The following SMIM35 variants were observed in gnomAD, a reference collection of about 807,000 sequenced individuals.
The protein encoded by SMIM35 is TMPRSS4 antisense RNA 1 (non-protein coding).
chr11:118,060,536 C>A (rs1474438844), intron 1 of SMIM35, among the ~76,000 whole-genome samples: 1 of 152,192 alleles, frequency 6.6e-6, no homozygotes, highest in East Asian at 1.9e-4. Context: ...CCCTGGGAAG[C>A]CTTAGTGGTG....
intron 1 of SMIM35, among the ~76,000 whole-genome samples, chr11:118,025,143 C>T (rs533359186): frequency 6.6e-6 from 1 of 152,266 alleles, no homozygotes; most frequent in East Asian, 1.9e-4. Flanking sequence ...TGTATATGTA[C>T]CACATTTTCT....
At chr11:118,045,332 A>G (rs1014716734) in intron 1 of SMIM35, among the ~76,000 whole-genome samples, 6 of 107,142 alleles carry the variant, frequency 5.6e-5, no homozygotes, top group African/African-American at 2.7e-4. Context: ...ACACACATGC[A>G]CACACACACA....
At chr11:118,057,837 G>A (rs1944338683) in intron 1 of SMIM35, among the ~76,000 whole-genome samples, 1 of 152,220 alleles carries the variant, frequency 6.6e-6, no homozygotes, top group African/African-American at 2.4e-5. Flanking sequence ...GCACGAGGGT[G>A]GAAAGGCTGG....
intron 4 of SMIM35, among the ~76,000 whole-genome samples, chr11:118,009,605 C>A (rs569219964): frequency 6.6e-6 from 1 of 152,186 alleles, no homozygotes; most frequent in South Asian, 2.1e-4. Context: ...CATCACCTTT[C>A]AACTGCCATC....
At chr11:118,073,318 G>A (rs745997935) in intron 1 of SMIM35, among the ~76,000 whole-genome samples, 4 of 152,186 alleles carry the variant, frequency 2.6e-5, no homozygotes, top group Admixed American at 6.5e-5. Context: ...AGAAGATGGC[G>A]TGCAAGAGGA....
At chr11:118,043,255 G>C (rs1290764238) in intron 1 of SMIM35, among the ~76,000 whole-genome samples, 2 of 148,736 alleles carry the variant, frequency 1.3e-5, no homozygotes, top group Non-Finnish European at 3.0e-5. Flanking sequence ...CCTCCTCCTT[G>C]AAGTCTGGGT....
intron 1 of SMIM35, among the ~76,000 whole-genome samples, chr11:118,072,086 C>A (rs949150757): frequency 4.6e-5 from 7 of 152,160 alleles, no homozygotes; most frequent in Non-Finnish European, 1.0e-4. Context: ...TGTCTGATAT[C>A]ATCATAGAAA....
chr11:118,079,947 C>T (rs916155815), intron 1 of SMIM35, among the ~76,000 whole-genome samples: 15 of 152,170 alleles, frequency 9.9e-5, no homozygotes, highest in African/African-American at 3.6e-4. Flanking sequence ...GCTTGCTTTG[C>T]CTGCTCTCCT....
chr11:118,070,914 G>T (rs1489066865), intron 1 of SMIM35, among the ~76,000 whole-genome samples: 1 of 152,154 alleles, frequency 6.6e-6, no homozygotes, highest in South Asian at 2.1e-4. Context: ...AGGGCAAAAG[G>T]CCTAGGCATC....
Position 118,013,754 on chromosome 11 carries a change from A to G in SMIM35, c.*27T>C, listed in dbSNP as rs2058161923. The G allele has an allele frequency of 5.0e-6, 2 of 399,116 alleles. No individual in the cohort carries two copies. Among genetic ancestry groups the G allele is most frequent in the Non-Finnish European group, 8.8e-6 (2 of 226,142 alleles). 24.7% of individuals were successfully genotyped at this position (399,116 alleles called of 1,614,324 possible). ...TCTCCCAACTCCAACTCACCTCCCC[A>G]GGGCTTCACAAGTTGCTGTCTCTGC... is the stretch of plus-strand genomic sequence containing the variant. On this transcript the variant is annotated 3_prime_UTR_variant, in exon 4 of 5. Transcript: ENST00000689828.
At chr11:118,068,282 G>A (rs1944515228) in intron 1 of SMIM35, among the ~76,000 whole-genome samples, 1 of 152,008 alleles carries the variant, frequency 6.6e-6, no homozygotes, top group Non-Finnish European at 1.5e-5. Flanking sequence ...ACCTGACAAA[G>A]TCCTGCTCCT....
intron 1 of SMIM35, among the ~76,000 whole-genome samples, chr11:118,034,578 G>A (rs1272564503): frequency 6.6e-6 from 1 of 152,290 alleles, no homozygotes; most frequent in South Asian, 2.1e-4. Flanking sequence ...ACAAAAATTA[G>A]CTGGGCGTGG....
chr11:118,025,885 G>T, intron 1 of SMIM35: 1 of 389,538 alleles, frequency 2.6e-6, no homozygotes, highest in Non-Finnish European at 4.8e-6. Context: ...TGTCCAGAAT[G>T]GTATTTTCTA....
chr11:118,077,268 G>A, intron 1 of SMIM35: 1 of 1,596,802 alleles, frequency 6.3e-7, no homozygotes, highest in Non-Finnish European at 8.5e-7. Context: ...CTCAGCTCCA[G>A]GCTACAGGGA....
At chr11:118,055,443 G>A (rs12272258) in intron 1 of SMIM35, among the ~76,000 whole-genome samples, 49,264 of 152,002 alleles carry the variant, frequency 0.32, 8,011 homozygotes, top group East Asian at 0.38. Flanking sequence ...CACCACCCCG[G>A]CCCTGCCACC....
intron 1 of SMIM35, among the ~76,000 whole-genome samples, chr11:118,076,095 C>T (rs1014146839): frequency 1.4e-4 from 22 of 152,146 alleles, no homozygotes; most frequent in Admixed American, 6.6e-5. Flanking sequence ...TGGCAAAACC[C>T]CATCTCTACT....
intron 1 of SMIM35, among the ~76,000 whole-genome samples, chr11:118,077,738 G>A (rs894651916): frequency 1.3e-5 from 2 of 151,768 alleles, no homozygotes; most frequent in African/African-American, 2.4e-5. Flanking sequence ...TAGACTGGGT[G>A]CAGTGGCTCA....
At chr11:118,065,520 T>C (rs951410078) in intron 1 of SMIM35, among the ~76,000 whole-genome samples, 6 of 152,190 alleles carry the variant, frequency 3.9e-5, no homozygotes, top group Non-Finnish European at 8.8e-5. Flanking sequence ...GGAGTATAAC[T>C]TTGTAACTTC....
chr11:118,015,557 AC>A (rs1238839712), intron 2 of SMIM35, 135 bp downstream of exon 2: 6 of 396,804 alleles, frequency 1.5e-5, no homozygotes, highest in African/African-American at 4.1e-5. Flanking sequence ...CAAGTCTTCA[AC>A]CACTGCAACC....
Sources: gnomAD v4.1 joint callset for allele counts (sites outside exome capture counted in the v4.1 genomes callset) on GRCh38, gnomAD v4.1.1 for gene constraint, MANE v1.5 for transcripts, NCBI Gene and HGNC (gene_info 2026-07-23, HGNC 2026-07-21) for gene names.